Variants in COL27A1 observed in about 807,000 individuals in gnomAD.
COL27A1 encodes collagen alpha-1(XXVII) chain.
COL27A1 carries 106 observed loss-of-function variants against 251.3 expected under a neutral mutation model. That is an observed-to-expected ratio of 0.42 (90% confidence interval 0.36 to 0.50). COL27A1 has a LOEUF of 0.50. COL27A1 is among the 20% of genes least tolerant of loss of function. The pLI is 0.00. For missense variants in COL27A1, 2,325 were observed against 2,522.8 expected, an observed-to-expected ratio of 0.92 and a Z score of 1.68; for synonymous variants, 1,000 against 986.3, an observed-to-expected ratio of 1.01 and a Z score of -0.26.
intron 21 of COL27A1, among the ~76,000 whole-genome samples, chr9:114,241,239 C>T (rs1832732807): frequency 6.6e-6 from 1 of 152,258 alleles, no homozygotes; most frequent in Non-Finnish European, 1.5e-5. Flanking sequence ...TACCTTAGCT[C>T]AGGCGCCAGG....
chr9:114,215,493 C>T (rs139219721), intron 12 of COL27A1, among the ~76,000 whole-genome samples: 18 of 152,208 alleles, frequency 1.2e-4, no homozygotes, highest in Admixed American at 7.2e-4. Context: ...TCCCCTGAGG[C>T]GACTTTTCTT....
At chr9:114,162,810 G>C in intron 2 of COL27A1, 25 bp downstream of exon 2, 1 of 1,572,268 alleles carries the variant, frequency 6.4e-7, no homozygotes, top group Non-Finnish European at 8.7e-7. Flanking sequence ...TCTTTGTCCA[G>C]GGGGAGACAA....
At chr9:114,215,151 G>A (rs1380855988) in intron 12 of COL27A1, among the ~76,000 whole-genome samples, 2 of 152,232 alleles carry the variant, frequency 1.3e-5, no homozygotes, top group Non-Finnish European at 2.9e-5. Context: ...CCCTGGCACC[G>A]ACTCCCTGGG....
chr9:114,206,242 T>C lies in COL27A1; in HGVS notation c.2224-10T>C. Reference sequence around the variant, plus strand: ...CATATGTCCTTGCCCCTCTGTGTTTTGTGTTTCAGGGGTTACCTGGACCGG... The same window carrying C: ...CATATGTCCTTGCCCCTCTGTGTTTCGTGTTTCAGGGGTTACCTGGACCGG... On this transcript the variant is annotated splice_polypyrimidine_tract_variant and intron_variant, in intron 9 of 60. Transcript: ENST00000356083. 1.2e-6 allele frequency: 2 copies of C among 1,614,102 alleles called. No homozygotes were observed.
At chr9:114,300,284 C>A in intron 50 of COL27A1, 161 bp downstream of exon 50, 1 of 699,750 alleles carries the variant, frequency 1.4e-6, no homozygotes, top group Non-Finnish European at 2.4e-6. Context: ...TCCAGAAGAT[C>A]TAGGTTCCAA....
At position 114,167,982 on chromosome 9, in the gene COL27A1, C is replaced by A. The variant is rs558626202; in HGVS notation, c.427C>A (p.Arg143Ser). 6.2e-7 allele frequency: 1 copy of A among 1,605,444 alleles called. No homozygotes were observed. Among genetic ancestry groups the A allele is most frequent in the South Asian group, 1.1e-5 (1 of 91,072 alleles). Residue 143 changes from arginine to serine, a missense_variant, in exon 3 of 61, where the codon CGC becomes AGC. By Grantham distance (110) the Arg-to-Ser change is moderately radical. Transcript: ENST00000356083. ...GKTVVHLGSR[R>S]SVAFDLDMHD... ...GACGGTCGTCCACCTCGGGTCCCGG[C>A]GCTCAGTGGCCTTCGACCTCGACAT...
chr9:114,245,870 A>C lies in COL27A1; in HGVS notation c.2939A>C (p.Glu980Ala), dbSNP rs1833094757. ...CTCCTCTTTGTCTCTTTGCAGGGGG[A>C]ACCAGGGGATCCTGGTCGGCCGGGG... ...GRPGLDGVKG[E>A]PGDPGRPGPV... is the part of the protein sequence containing the mutation. The change falls in exon 24 of 61, where the codon GAA becomes GCA. Residue 980 changes from glutamate to alanine, a missense_variant. Physicochemically the swap from Glu to Ala is moderately radical, Grantham distance 107 (BLOSUM62 -1). Transcript: ENST00000356083. 1 of 1,613,126 alleles carries C rather than the reference A, an allele frequency of 6.2e-7. No individual in the cohort carries two copies. Among genetic ancestry groups the C allele is most frequent in the Admixed American group, 1.7e-5 (1 of 59,910 alleles).
intron 27 of COL27A1, among the ~76,000 whole-genome samples, chr9:114,258,259 A>AG (rs1007660087): frequency 6.6e-6 from 1 of 152,204 alleles, no homozygotes; most frequent in Non-Finnish European, 1.5e-5. Flanking sequence ...AATGTCATGC[A>AG]GGGGGCCTTA....
At chr9:114,158,172 C>A (rs1454842121) in intron 1 of COL27A1, among the ~76,000 whole-genome samples, 1 of 152,178 alleles carries the variant, frequency 6.6e-6, no homozygotes, top group Non-Finnish European at 1.5e-5. Context: ...CCAGCTAGCT[C>A]CCTTTTCAGC....
intron 4 of COL27A1, among the ~76,000 whole-genome samples, chr9:114,179,346 G>T (rs916587764): frequency 6.6e-6 from 1 of 152,136 alleles, no homozygotes; most frequent in African/African-American, 2.4e-5. Flanking sequence ...GCCCTCTGGG[G>T]ACCACATAGA....
intron 56 of COL27A1, among the ~76,000 whole-genome samples, chr9:114,303,387 A>AACCACC (rs1471626393): frequency 6.6e-6 from 1 of 151,370 alleles, no homozygotes; most frequent in Non-Finnish European, 1.5e-5. Flanking sequence ...TATAGGCGCG[A>AACCACC]ACCACCACGC....
intron 15 of COL27A1, among the ~76,000 whole-genome samples, chr9:114,231,613 C>T (rs979477282): frequency 6.6e-6 from 1 of 152,242 alleles, no homozygotes; most frequent in African/African-American, 2.4e-5. Flanking sequence ...GATTTGCCTG[C>T]AGTGCTGTGG....
At chr9:114,240,736 C>T (rs538455198) in intron 21 of COL27A1, among the ~76,000 whole-genome samples, 13 of 152,238 alleles carry the variant, frequency 8.5e-5, no homozygotes, top group Non-Finnish European at 1.9e-4. Context: ...TCTGCACCCT[C>T]GTCACCCTGG....
Position 114,289,268 on chromosome 9 carries a change from GGGACCCAAA to G in COL27A1, c.4183_4191del (p.Pro1395_Gly1397del). ...GGCATCCGGGACCCCGGGGGTGGCC[GGGACCCAAA>G]GGATCGAAAGGCGCAGAGGTAAGAG... On this transcript the variant is annotated inframe_deletion, in exon 45 of 61. Transcript: ENST00000356083. The G allele has an allele frequency of 6.3e-7, 1 of 1,593,852 alleles. No individual in the cohort carries two copies.
intron 3 of COL27A1, among the ~76,000 whole-genome samples, chr9:114,170,905 G>C (rs1190965975): frequency 6.6e-6 from 1 of 152,182 alleles, no homozygotes; most frequent in African/African-American, 2.4e-5. Flanking sequence ...GTCAAAAGGG[G>C]AATTGCCCCC....
intron 49 of COL27A1, among the ~76,000 whole-genome samples, chr9:114,297,325 C>T (rs891099534): frequency 6.6e-6 from 1 of 152,164 alleles, no homozygotes; most frequent in African/African-American, 2.4e-5. Context: ...GCAACTGGTT[C>T]TGTGAAGCCA....
rs1219388254 is a variant in COL27A1 at position 114,290,802 on chromosome 9, C to G, written c.4369-8C>G. On this transcript the variant is annotated splice_polypyrimidine_tract_variant and splice_region_variant and intron_variant, in intron 47 of 60. Transcript: ENST00000356083. The surrounding 1 kb of genome is among the most constrained non-coding windows in gnomAD (Gnocchi z 4.6). The stretch of plus-strand genomic sequence containing the variant: ...CAAGAGACCCTCCTCTGCCTGCTTT[C>G]TTAACAGGGGGAGCAGGGAGACGAT... 1 of 1,541,666 alleles carries G rather than the reference C, an allele frequency of 6.5e-7. No individual in the cohort carries two copies. The highest frequency in any genetic ancestry group is 8.8e-7 in the Non-Finnish European group (1 of 1,142,296).
chr9:114,199,169 C>T (rs1829387682), intron 7 of COL27A1, among the ~76,000 whole-genome samples: 2 of 152,098 alleles, frequency 1.3e-5, no homozygotes, highest in African/African-American at 4.8e-5. Context: ...TCCTGTAGAC[C>T]AGTAGTTCTC....
intron 24 of COL27A1, 26 bp downstream of exon 24, chr9:114,245,936 A>C: frequency 5.6e-6 from 9 of 1,607,860 alleles, no homozygotes; most frequent in Non-Finnish European, 7.7e-6. Flanking sequence ...TCTCTGAATG[A>C]GTGGCTCCAT....
Sources: allele counts gnomAD v4.1 joint callset (sites outside exome capture counted in the v4.1 genomes callset), GRCh38; gene constraint gnomAD v4.1.1; non-coding constraint Gnocchi (gnomAD v3.1); transcripts MANE v1.5; gene names NCBI Gene and HGNC (gene_info 2026-07-23, HGNC 2026-07-21).